The following CSMD1 variants were observed in gnomAD, a reference collection of about 807,000 sequenced individuals.
CSMD1 encodes the protein CUB and Sushi multiple domains 1.
In CSMD1, 213 loss-of-function variants were observed where a neutral mutation model predicts 417.5. That is an observed-to-expected ratio of 0.51 (90% CI 0.46 to 0.57). The LOEUF is 0.57. Among genes scored for constraint, CSMD1 ranks in the 20% least tolerant of loss-of-function variants. The pLI is 0.00. For synonymous variants in CSMD1, 2,862 were observed against 1,736.8 expected (o/e 1.65, Z -16.11); for missense variants, 6,923 against 4,529.7 (o/e 1.53, Z -15.17).
intron 7 of CSMD1, among the ~76,000 whole-genome samples, chr8:3,679,197 A>G (rs1302879014): frequency 2.6e-5 from 4 of 152,142 alleles, no homozygotes; most frequent in Non-Finnish European, 5.9e-5. Flanking sequence ...TTAACCTTAA[A>G]TGCAAATGGG....
chr8:3,482,020 T>C (rs997042705), intron 11 of CSMD1, among the ~76,000 whole-genome samples: 3 of 152,144 alleles, frequency 2.0e-5, no homozygotes, highest in African/African-American at 7.2e-5. Flanking sequence ...AACAACCACT[T>C]TGAAAACTAC....
chr8:3,682,195 T>G (rs570309250), intron 7 of CSMD1, among the ~76,000 whole-genome samples: 1 of 152,118 alleles, frequency 6.6e-6, no homozygotes, highest in East Asian at 1.9e-4. Context: ...ACAAATGGGA[T>G]CTAATTAAAC....
At chr8:4,517,732 A>T (rs10106309) in intron 2 of CSMD1, among the ~76,000 whole-genome samples, 38,686 of 152,190 alleles carry the variant, frequency 0.25, 5,493 homozygotes, top group East Asian at 0.35. Flanking sequence ...CTCGTTTATC[A>T]AAAAGTTCAT....
chr8:3,436,995 C>G lies in CSMD1; in HGVS notation c.1562-27390G>C, dbSNP rs189555685. On this transcript the variant is annotated intron_variant, in intron 12 of 69. Transcript: ENST00000635120. ...TGCAAGAAGCAGACAGGGACTTAAA[C>G]AAGACAGCTTGAAAACCTGGCTTAT... Among the ~76,000 whole-genome samples, 78 of 152,244 alleles carry G rather than the reference C, an allele frequency of 5.1e-4. 1 individual carries two copies. The highest frequency in any genetic ancestry group is 1.6e-3 in the African/African-American group (66 of 41,550).
At chr8:4,432,329 T>C (rs550101523) in intron 2 of CSMD1, among the ~76,000 whole-genome samples, 1 of 152,306 alleles carries the variant, frequency 6.6e-6, no homozygotes, top group South Asian at 2.1e-4. Context: ...AGTAACTTAC[T>C]CAAAGGACTG....
chr8:4,172,611 G>C (rs1307568247), intron 3 of CSMD1, among the ~76,000 whole-genome samples: 2 of 152,158 alleles, frequency 1.3e-5, no homozygotes, highest in Non-Finnish European at 2.9e-5. Context: ...TAAGCTCATG[G>C]AACCCACCCT....
intron 3 of CSMD1, among the ~76,000 whole-genome samples, chr8:4,128,201 A>G (rs1269167567): frequency 2.6e-5 from 4 of 152,152 alleles, no homozygotes; most frequent in African/African-American, 7.2e-5. Flanking sequence ...TGCCCTGAGA[A>G]AACAGCAGCT....
In CSMD1 at chr8:3,165,624, G is replaced by C. The variant is rs532586259; in HGVS notation, c.5726-3347C>G. Among the ~76,000 whole-genome samples, 15 of 151,988 alleles carry C rather than the reference G, an allele frequency of 9.9e-5. No individual in the cohort carries two copies. The South Asian group carries it at 3.1e-3, about 32-fold the overall frequency. ...TTTTTTTATATTTTTAGAAAAGACG[G>C]GGTTTCACCATGTTAGCCAGGGTGG... On this transcript the variant is annotated intron_variant, in intron 37 of 69. Coordinates refer to ENST00000635120, the MANE Select transcript of CSMD1 (RefSeq NM_033225.6).
At chr8:4,772,768 C>T (rs1165796003) in intron 1 of CSMD1, among the ~76,000 whole-genome samples, 1 of 152,170 alleles carries the variant, frequency 6.6e-6, no homozygotes, top group Non-Finnish European at 1.5e-5. Flanking sequence ...TCTTGGCTAA[C>T]AGATCAGTCT....
At chr8:3,968,864 C>T (rs762974108) in intron 5 of CSMD1, among the ~76,000 whole-genome samples, 1 of 152,176 alleles carries the variant, frequency 6.6e-6, no homozygotes, top group Non-Finnish European at 1.5e-5. Flanking sequence ...GATCACACAT[C>T]ATCTTTTCTT....
rs140050659 is a variant in CSMD1, at chr8:3,448,876, G to C, written c.1561+19836C>G. Among the ~76,000 whole-genome samples, 769 of 152,314 alleles carry C rather than the reference G, an allele frequency of 5.0e-3. 7 individuals carry two copies. Among genetic ancestry groups the C allele is most frequent in the Middle Eastern group, 0.014 (4 of 294 alleles). On this transcript the variant is annotated intron_variant, in intron 12 of 69. Transcript: ENST00000635120. ...CACTAATTTTGGAAAACTTACGCAG[G>C]CATAATTCTATTCCAGAAGAAGCAC...
intron 3 of CSMD1, among the ~76,000 whole-genome samples, chr8:4,308,889 G>T (rs1481059566): frequency 6.6e-6 from 1 of 152,086 alleles, no homozygotes; most frequent in Non-Finnish European, 1.5e-5. Context: ...TAAACACATG[G>T]TTTAAAATAC....
chr8:3,718,969 GA>G (rs1470046881), intron 6 of CSMD1, among the ~76,000 whole-genome samples: 1 of 152,110 alleles, frequency 6.6e-6, no homozygotes, highest in Non-Finnish European at 1.5e-5. Flanking sequence ...GAGAAGATAA[GA>G]AAGCGCAAAG....
At chr8:3,519,004 T>A (rs1797394537) in intron 10 of CSMD1, among the ~76,000 whole-genome samples, 1 of 152,204 alleles carries the variant, frequency 6.6e-6, no homozygotes, top group Non-Finnish European at 1.5e-5. Context: ...GATCTGTTTT[T>A]AAACAATTTG....
intron 3 of CSMD1, among the ~76,000 whole-genome samples, chr8:4,269,808 A>C (rs1045865586): frequency 6.6e-6 from 1 of 152,212 alleles, no homozygotes; most frequent in Non-Finnish European, 1.5e-5. Context: ...TACCCAATGA[A>C]GTCTCAGAAT....
At chr8:4,869,155 C>G (rs1186101535) in intron 1 of CSMD1, among the ~76,000 whole-genome samples, 1 of 151,912 alleles carries the variant, frequency 6.6e-6, no homozygotes, top group Non-Finnish European at 1.5e-5. Flanking sequence ...CAAAATAAAT[C>G]TATCTAGTAA....
At chr8:4,487,280 T>C (rs1801465416) in intron 2 of CSMD1, among the ~76,000 whole-genome samples, 1 of 152,140 alleles carries the variant, frequency 6.6e-6, no homozygotes, top group Non-Finnish European at 1.5e-5. Flanking sequence ...CATTAACTCG[T>C]CATTTAGCAT....
Position 2,999,949 on chromosome 8 carries a change from T to A in CSMD1, c.8203+9A>T. 1 of 1,604,366 alleles carries A rather than the reference T, an allele frequency of 6.2e-7. No individual in the cohort carries two copies. Among genetic ancestry groups the A allele is most frequent in the Non-Finnish European group, 8.5e-7 (1 of 1,175,904 alleles). On this transcript the variant is annotated intron_variant, in intron 53 of 69. Coordinates refer to ENST00000635120, the MANE Select transcript of CSMD1 (RefSeq NM_033225.6). ...CATCGATGAATTCGTCCACAAAGAG[T>A]GCACTTACGGACACAGACAGGCGTT... is the stretch of plus-strand genomic sequence containing the variant.
chr8:4,283,504 A>G (rs1447090312), intron 3 of CSMD1, among the ~76,000 whole-genome samples: 5 of 152,174 alleles, frequency 3.3e-5, no homozygotes, highest in South Asian at 2.1e-4. Flanking sequence ...CTTTTGTCCA[A>G]TCATTTTATA....
Sources: gnomAD v4.1 joint callset for allele counts (sites outside exome capture counted in the v4.1 genomes callset) on GRCh38, gnomAD v4.1.1 for gene constraint, MANE v1.5 for transcripts, NCBI Gene and HGNC (gene_info 2026-07-23, HGNC 2026-07-21) for gene names.